Variants in PIWIL4 observed in about 807,000 individuals in gnomAD.
The protein encoded by PIWIL4 is piwi like RNA-mediated gene silencing 4.
PIWIL4 carries 50 observed loss-of-function variants against 100.9 expected under a neutral mutation model. That is an observed-to-expected ratio of 0.50 (90% confidence interval 0.39 to 0.63). PIWIL4 has a LOEUF of 0.63. PIWIL4 is among the 20% of genes least tolerant of loss of function. The pLI is 0.00. For synonymous variants in PIWIL4, 342 were observed against 367.5 expected, an observed-to-expected ratio of 0.93 and a Z score of 0.79; for missense variants, 887 against 1,043.3, an observed-to-expected ratio of 0.85 and a Z score of 2.06.
At chr11:94,588,809 C>A (rs1475728275) in intron 7 of PIWIL4, among the ~76,000 whole-genome samples, 2 of 152,156 alleles carry the variant, frequency 1.3e-5, no homozygotes, top group Non-Finnish European at 2.9e-5. Flanking sequence ...ATGCTTCAGC[C>A]TCTGAACATT....
At chr11:94,589,806 G>A (rs189755464) in intron 8 of PIWIL4, among the ~76,000 whole-genome samples, 1 of 152,238 alleles carries the variant, frequency 6.6e-6, no homozygotes. Context: ...CCCTGTCTCA[G>A]GTCATCACAG....
intron 16 of PIWIL4, 125 bp from the exon 17 acceptor site, chr11:94,617,829 T>C: frequency 1.0e-6 from 1 of 953,328 alleles, no homozygotes; most frequent in Non-Finnish European, 1.6e-6. Flanking sequence ...ACCCAAATTA[T>C]GTATTGCCCT....
chr11:94,593,134 G>C (rs7116314), intron 8 of PIWIL4, among the ~76,000 whole-genome samples: 5,011 of 152,174 alleles, frequency 0.033, 283 homozygotes, highest in African/African-American at 0.11. Context: ...AATGAATATA[G>C]ATGTTTAGAG....
At chr11:94,597,580 G>T (rs115630320) in intron 10 of PIWIL4, among the ~76,000 whole-genome samples, 1,752 of 152,194 alleles carry the variant, frequency 0.012, 29 homozygotes, top group African/African-American at 0.04. Context: ...TGTCTGGCTC[G>T]AAAGCTTATT....
chr11:94,602,928 C>T (rs773213237), intron 12 of PIWIL4, among the ~76,000 whole-genome samples: 4 of 152,204 alleles, frequency 2.6e-5, no homozygotes, highest in Non-Finnish European at 5.9e-5. Flanking sequence ...AGCCACAGTC[C>T]GCAGATCCTG....
intron 1 of PIWIL4, among the ~76,000 whole-genome samples, chr11:94,568,398 T>C (rs1262789917): frequency 2.0e-5 from 3 of 152,186 alleles, no homozygotes; most frequent in Non-Finnish European, 1.5e-5. Context: ...CCGTGGGCTA[T>C]GGAAGCATGA....
intron 15 of PIWIL4, among the ~76,000 whole-genome samples, chr11:94,609,886 TG>T (rs916517514): frequency 6.6e-6 from 1 of 152,044 alleles, no homozygotes; most frequent in Non-Finnish European, 1.5e-5. Flanking sequence ...TGTGTGTGTG[TG>T]GTGAGACTAC....
intron 10 of PIWIL4, among the ~76,000 whole-genome samples, chr11:94,595,822 C>T (rs1287228089): frequency 6.6e-6 from 1 of 152,252 alleles, no homozygotes; most frequent in African/African-American, 2.4e-5. Context: ...ACAATGGCCT[C>T]AGCAGACTGA....
At chr11:94,605,904 T>C (rs2135289741) in intron 13 of PIWIL4, among the ~76,000 whole-genome samples, 1 of 152,362 alleles carries the variant, frequency 6.6e-6, no homozygotes, top group South Asian at 2.1e-4. Flanking sequence ...TCTCCATCTT[T>C]CTTGGAACAC....
intron 15 of PIWIL4, among the ~76,000 whole-genome samples, chr11:94,611,554 G>T (rs192852726): frequency 6.6e-6 from 1 of 151,896 alleles, no homozygotes; most frequent in East Asian, 1.9e-4. Flanking sequence ...TTCAAATATT[G>T]ATATAGTTTG....
intron 4 of PIWIL4, among the ~76,000 whole-genome samples, chr11:94,579,006 G>A (rs1948279787): frequency 3.3e-5 from 5 of 152,126 alleles, no homozygotes; most frequent in Admixed American, 2.6e-4. Context: ...CTGGTGGTCT[G>A]GTATTTTTAA....
rs200888943 is a variant in PIWIL4, at chr11:94,620,999, G to A, written c.*7G>A. 78 of 1,572,986 alleles carry A rather than the reference G, an allele frequency of 5.0e-5. No homozygotes were observed. The African/African-American group carries it at 7.7e-4, about 16-fold the overall frequency. On this transcript the variant is annotated 3_prime_UTR_variant, in exon 20 of 20. Transcript: ENST00000299001. ...CCATCTCTTCTACCTGTGATGGCAT[G>A]AACTACTGGCATCACTAGATGGACA...
intron 10 of PIWIL4, 28 bp downstream of exon 10, chr11:94,595,454 T>C: frequency 6.4e-7 from 1 of 1,567,696 alleles, no homozygotes; most frequent in South Asian, 1.1e-5. Flanking sequence ...GCATCCTTCC[T>C]GGGGCTGAGT....
chr11:94,587,482 T>C (rs1948417742), intron 7 of PIWIL4, among the ~76,000 whole-genome samples: 1 of 152,148 alleles, frequency 6.6e-6, no homozygotes, highest in Admixed American at 6.5e-5. Flanking sequence ...CTAATGCCAC[T>C]CTCTATTCTA....
Position 94,607,019 on chromosome 11 carries a change from G to A in PIWIL4, c.1639-420G>A, listed in dbSNP as rs554697680. On this transcript the variant is annotated intron_variant, in intron 13 of 19. Transcript: ENST00000299001. ...CTCAACTTTGGCTTATCTTTGGGTGGGGTCAGGGAGGGACCAATGGGAATG... is the reference window on the plus strand; with the variant it reads ...CTCAACTTTGGCTTATCTTTGGGTGAGGTCAGGGAGGGACCAATGGGAATG... Among the ~76,000 whole-genome samples, 9 of 152,184 alleles carry A rather than the reference G, an allele frequency of 5.9e-5. No individual in the cohort carries two copies. In the South Asian group the frequency reaches 1.9e-3, roughly 32 times the overall value.
intron 8 of PIWIL4, among the ~76,000 whole-genome samples, chr11:94,591,828 T>G (rs1047508510): frequency 1.3e-5 from 2 of 152,222 alleles, no homozygotes; most frequent in Admixed American, 6.5e-5. Flanking sequence ...GACATCCTGA[T>G]ATTGACCTTT....
intron 15 of PIWIL4, among the ~76,000 whole-genome samples, chr11:94,612,313 AG>A (rs199528313): frequency 5.6e-5 from 5 of 88,882 alleles, no homozygotes; most frequent in Non-Finnish European, 1.1e-4. Context: ...GATTTTTGTG[AG>A]GTTTTTTTTT....
At chr11:94,572,923 G>A (rs1032992325) in intron 2 of PIWIL4, among the ~76,000 whole-genome samples, 3 of 152,268 alleles carry the variant, frequency 2.0e-5, no homozygotes, top group Non-Finnish European at 4.4e-5. Flanking sequence ...ATCCATGAGC[G>A]TGGAATGTTC....
chr11:94,578,330 G>A (rs74631224), intron 4 of PIWIL4, among the ~76,000 whole-genome samples: 2,913 of 152,282 alleles, frequency 0.019, 108 homozygotes, highest in East Asian at 0.14. Flanking sequence ...TTTGGCAAGC[G>A]TTGAATGGAA....
Sources: allele counts gnomAD v4.1 joint callset (sites outside exome capture counted in the v4.1 genomes callset), GRCh38; gene constraint gnomAD v4.1.1; transcripts MANE v1.5; gene names NCBI Gene and HGNC (gene_info 2026-07-23, HGNC 2026-07-21).